CFAP65: variants seen among roughly 807,000 people sequenced by gnomAD.
CFAP65 encodes the protein cilia- and flagella-associated protein 65.
Under a neutral mutation model 208.0 loss-of-function variants are expected in CFAP65, and 155 were observed. The ratio of observed to expected loss-of-function variants is 0.75; its 90% CI spans 0.65 to 0.85. The LOEUF is 0.85. CFAP65 is among the 40% of genes least tolerant of loss of function. The pLI, the probability that CFAP65 is intolerant of heterozygous loss-of-function variation, is 0.00. For missense variants in CFAP65, 2,294 were observed against 2,451.3 expected (o/e 0.94, Z 1.36); for synonymous variants, 970 against 986.3 (o/e 0.98, Z 0.31).
chr2:219,019,065 C>T lies in CFAP65; in HGVS notation c.3588G>A (p.Val1196=). Residue 1196 remains valine (V), a synonymous_variant, in exon 21 of 35, where the codon GTG becomes GTA. Transcript: ENST00000341552. ...TCAAGCCATACCAGTCCAGGGACAC[C>T]ACTCCGCTGTTCTTCAGGGCCAGGA... ...VVFLALKNSG[V]VSLDWAFLLP... The T allele has an allele frequency of 6.2e-7, 1 of 1,614,216 alleles. No individual in the cohort carries two copies. Among genetic ancestry groups the T allele is most frequent in the Non-Finnish European group, 8.5e-7 (1 of 1,180,010 alleles).
Position 219,028,369 on chromosome 2 carries a change from GCAGGTCCCCAT to G in CFAP65, c.1672_1682del (p.Met558ProfsTer32). 1 of 1,613,570 alleles carries G rather than the reference GCAGGTCCCCAT, an allele frequency of 6.2e-7. No individual in the cohort carries two copies. The highest frequency in any genetic ancestry group is 8.5e-7 in the Non-Finnish European group (1 of 1,179,948). On this transcript the variant is annotated frameshift_variant, in exon 12 of 35. Coordinates refer to ENST00000341552, the MANE Select transcript of CFAP65 (RefSeq NM_194302.4). LOFTEE classifies it high-confidence loss of function. The stretch of plus-strand genomic sequence containing the variant: ...TGGCTGGCTTGGTGCTGTCCGAGTG[GCAGGTCCCCAT>G]CAGGTCCAGGAACAGTGGGTCCTGT...
intron 5 of CFAP65, among the ~76,000 whole-genome samples, chr2:219,033,512 GAGAA>G (rs943454323): frequency 1.3e-5 from 2 of 149,480 alleles, no homozygotes; most frequent in African/African-American, 2.5e-5. Context: ...AGAAAAGAAA[GAGAA>G]AGAAAGAGAG....
In CFAP65 at chr2:219,028,354, G is replaced by C. The variant is rs751328475; in HGVS notation, c.1698C>G (p.Thr566=). Residue 566 remains threonine (T), a synonymous_variant, in exon 12 of 35, where the codon ACC becomes ACG. Coordinates refer to ENST00000341552, the MANE Select transcript of CFAP65 (RefSeq NM_194302.4). ...GCTGAGGCTTCAGGATGGCTGGCTT[G>C]GTGCTGTCCGAGTGGCAGGTCCCCA... is the stretch of plus-strand genomic sequence containing the variant. ...DLMGTCHSDS[T]KPAILKPQHL... 4 of 1,613,854 alleles carry C rather than the reference G, an allele frequency of 2.5e-6. No individual in the cohort carries two copies. Among genetic ancestry groups the C allele is most frequent in the Non-Finnish European group, 3.4e-6 (4 of 1,179,998 alleles).
chr2:219,009,238 C>A, intron 28 of CFAP65, 84 bp from the exon 29 acceptor site: 1 of 1,476,034 alleles, frequency 6.8e-7, no homozygotes, highest in East Asian at 2.3e-5. Context: ...CTTCCAAGGG[C>A]TGACTTCTGC....
intron 13 of CFAP65, 47 bp downstream of exon 13, chr2:219,027,603 C>A: frequency 6.2e-7 from 1 of 1,613,256 alleles, no homozygotes; most frequent in Non-Finnish European, 8.5e-7. Context: ...GCCACTCAGG[C>A]TCCTAGCAGA....
intron 15 of CFAP65, 22 bp downstream of exon 15, chr2:219,023,993 G>C: frequency 6.2e-7 from 1 of 1,607,004 alleles, no homozygotes; most frequent in Non-Finnish European, 8.5e-7. Context: ...AAGGACCCAG[G>C]TCCCCTCCCT....
At position 219,004,059 on chromosome 2, in the gene CFAP65, G is replaced by A; in HGVS notation, c.5448C>T (p.Pro1816=). ...EEKVSWAGIG[P]TPQPESQESM... ...ACTCCTGGGACTCAGGCTGTGGTGT[G>A]GGCCCGATGCCCGCCCAGCTCACTT... Residue 1816 remains proline, a synonymous_variant, in exon 33 of 35, where the codon CCC becomes CCT. Transcript: ENST00000341552. The surrounding 1 kb of genome is among the most constrained non-coding windows in gnomAD (Gnocchi z 4.7). 1 of 1,614,008 alleles carries A rather than the reference G, an allele frequency of 6.2e-7. No individual in the cohort carries two copies. The highest frequency in any genetic ancestry group is 8.5e-7 in the Non-Finnish European group (1 of 1,180,002).
At chr2:219,010,172 G>A (rs1946373003) in intron 26 of CFAP65, 87 bp from the exon 27 acceptor site, 2 of 1,350,360 alleles carry the variant, frequency 1.5e-6, no homozygotes, top group Non-Finnish European at 2.0e-6. Flanking sequence ...GGGAGGCCAA[G>A]GTGGGAGGAT....
chr2:219,029,683 TG>T lies in CFAP65; in HGVS notation c.1385-16del. On this transcript the variant is annotated splice_polypyrimidine_tract_variant and intron_variant, in intron 10 of 34. Transcript: ENST00000341552. ...CACAGCAGGGCCTGGACACAGGAGA[TG>T]GGGTATCAGCTTCCCCAAGGATATC... 1 of 1,609,522 alleles carries T rather than the reference TG, an allele frequency of 6.2e-7. No individual in the cohort carries two copies. Among genetic ancestry groups the T allele is most frequent in the Non-Finnish European group, 8.5e-7 (1 of 1,176,804 alleles).
In CFAP65 at chr2:219,022,123, G is replaced by A. The variant is rs201518457; in HGVS notation, c.2979+48C>T. 7.9e-6 allele frequency: 12 copies of A among 1,524,846 alleles called. No homozygotes were observed. In the African/African-American group the frequency reaches 8.4e-5, roughly 11 times the overall value. 94.5% of individuals were successfully genotyped at this position (1,524,846 alleles called of 1,614,324 possible). A position where few individuals can be genotyped will look rare whatever the true frequency, so the allele number is the denominator to read the frequency against. On this transcript the variant is annotated intron_variant, in intron 17 of 34. Coordinates refer to ENST00000341552, the MANE Select transcript of CFAP65 (RefSeq NM_194302.4). ...TTCCCTGGGGCCTTCCCTCCCACCT[G>A]TCCGGGCCTCTCCCCCAGCCCCCTC... is the stretch of plus-strand genomic sequence containing the variant.
At chr2:219,022,380 G>A (rs868854308) in intron 16 of CFAP65, 51 bp from the exon 17 acceptor site, 1 of 1,557,738 alleles carries the variant, frequency 6.4e-7, no homozygotes, top group Non-Finnish European at 8.7e-7. Context: ...CCCCTCCACA[G>A]GTACCTGGCC....
In CFAP65 at chr2:219,032,712, G is replaced by A; in HGVS notation, c.543-140C>T. 3.0e-6 allele frequency: 2 copies of A among 676,602 alleles called. No individual in the cohort carries two copies. Among genetic ancestry groups the A allele is most frequent in the Non-Finnish European group, 5.0e-6 (2 of 403,600 alleles). 41.9% of individuals were successfully genotyped at this position (676,602 alleles called of 1,614,324 possible). ...GAAAGCGATCAGGAGATGAGCACGTGGAGATGGAAACTCAGGGGTTTGGTC... is the reference window on the plus strand; with the variant it reads ...GAAAGCGATCAGGAGATGAGCACGTAGAGATGGAAACTCAGGGGTTTGGTC... On this transcript the variant is annotated intron_variant, in intron 5 of 34. Transcript: ENST00000341552. The surrounding 1 kb of genome is among the most constrained non-coding windows in gnomAD (Gnocchi z 5.5).
At chr2:219,024,405 G>A (rs951294903) in intron 14 of CFAP65, 145 bp from the exon 15 acceptor site, 8 of 906,084 alleles carry the variant, frequency 8.8e-6, no homozygotes, top group African/African-American at 1.8e-5. Context: ...CCCTGGGAAC[G>A]GGGAATTGAA....
At chr2:219,029,920 A>G in intron 10 of CFAP65, 66 bp downstream of exon 10, 1 of 1,478,310 alleles carries the variant, frequency 6.8e-7, no homozygotes. Context: ...GCAGGGAAGG[A>G]GCTCTTCAGA....
intron 16 of CFAP65, 108 bp downstream of exon 16, chr2:219,023,099 G>C (rs1947374991): frequency 1.1e-6 from 1 of 878,896 alleles, no homozygotes; most frequent in South Asian, 1.5e-5. Flanking sequence ...GGAAGTTACT[G>C]TGGATGGAAT....
rs749004831 is a variant in CFAP65, at chr2:219,038,948, AG to A, written c.100del (p.Leu34Ter). 1.2e-6 allele frequency: 2 copies of A among 1,613,584 alleles called. No homozygotes were observed. Among genetic ancestry groups the A allele is most frequent in the African/African-American group, 2.7e-5 (2 of 74,896 alleles). On this transcript the variant is annotated frameshift_variant, in exon 3 of 35. Coordinates refer to ENST00000341552, the MANE Select transcript of CFAP65 (RefSeq NM_194302.4). LOFTEE classifies it high-confidence loss of function. ...ASSFPLIPLL[L>X]RGKSVQKKQA... is the part of the protein sequence containing the mutation. ...TTTCTTCTGAACACTCTTGCCTCTTAGGAGAAGAGGAATAAGGGGGAAAGAA... is the reference window on the plus strand; with the variant it reads ...TTTCTTCTGAACACTCTTGCCTCTTAGAGAAGAGGAATAAGGGGGAAAGAA...
chr2:219,023,908 GC>G, intron 15 of CFAP65, 106 bp downstream of exon 15: 1 of 1,335,562 alleles, frequency 7.5e-7, no homozygotes, highest in Non-Finnish European at 1.0e-6. Flanking sequence ...AGGAGAAGTG[GC>G]CCCCTGGAAA....
At position 219,004,481 on chromosome 2, in the gene CFAP65, C is replaced by T; in HGVS notation, c.5052-26G>A. 1.9e-6 allele frequency: 3 copies of T among 1,577,526 alleles called. No individual in the cohort carries two copies. In the South Asian group the frequency reaches 3.6e-5, roughly 19 times the overall value. On this transcript the variant is annotated intron_variant, in intron 32 of 34. Transcript: ENST00000341552. This position sits in a 1 kb window ranked among gnomAD's most constrained non-coding sequence, Gnocchi z 4.7. ...CTAGGTGGCAGGGAGAAGGAGAAGG[C>T]CCTTGCTGAGGGGCCCTGAAGCCCC...
intron 29 of CFAP65, 151 bp downstream of exon 29, chr2:219,008,896 T>A (rs1946224430): frequency 3.1e-6 from 2 of 644,066 alleles, no homozygotes; most frequent in Admixed American, 4.9e-5. Flanking sequence ...GCTGTGGAGA[T>A]GCTAAGCTGA....
Sources: gnomAD v4.1 joint callset for allele counts (sites outside exome capture counted in the v4.1 genomes callset) on GRCh38, gnomAD v4.1.1 for gene constraint, Gnocchi (gnomAD v3.1) non-coding constraint, MANE v1.5 for transcripts, NCBI Gene and HGNC (gene_info 2026-07-23, HGNC 2026-07-21) for gene names.